The following PIP5K1B variants were observed in gnomAD, a reference collection of about 807,000 sequenced individuals.
PIP5K1B encodes phosphatidylinositol-4-phosphate 5-kinase type 1 beta.
In PIP5K1B, 42 loss-of-function variants were observed where a neutral mutation model predicts 67.0. The observed-to-expected ratio is 0.63, with a 90% CI of 0.49 to 0.81. The LOEUF is 0.81. Ranked by LOEUF, PIP5K1B falls within the 30% of genes least tolerant of loss-of-function variation. The pLI, the probability that PIP5K1B is intolerant of heterozygous loss-of-function variation, is 0.00. For synonymous variants in PIP5K1B, 214 were observed against 231.4 expected (o/e 0.92, Z 0.68); for missense variants, 459 against 646.3 (o/e 0.71, Z 3.14).
At chr9:68,915,048 A>G (rs566317276) in intron 8 of PIP5K1B, among the ~76,000 whole-genome samples, 2 of 152,254 alleles carry the variant, frequency 1.3e-5, no homozygotes, top group Admixed American at 6.5e-5. Context: ...ACTTTATGCT[A>G]GAGACTTTTC....
chr9:68,923,371 T>C lies in PIP5K1B; in HGVS notation c.1186T>C (p.Phe396Leu). 2 of 1,560,808 alleles carry C rather than the reference T, an allele frequency of 1.3e-6. No homozygotes were observed. Among genetic ancestry groups the C allele is most frequent in the Non-Finnish European group, 1.8e-6 (2 of 1,139,120 alleles). Residue 396 changes from phenylalanine (F) to leucine (L), a missense_variant, in exon 12 of 16, where the codon TTC becomes CTC. Transcript: ENST00000265382. ...RFLKFMNSRV[F>L]KKIQALKASP... is the part of the protein sequence containing the mutation. ...TCTTAAGTTCATGAATTCCAGAGTT[T>C]TCAAGAAAATTCAAGGTAAGATTCT... is the stretch of plus-strand genomic sequence containing the variant.
chr9:68,785,152 G>A (rs1290883135), intron 2 of PIP5K1B, among the ~76,000 whole-genome samples: 3 of 152,234 alleles, frequency 2.0e-5, no homozygotes, highest in Admixed American at 6.5e-5. Context: ...AATTGGTTAA[G>A]TGGGTACTAG....
At chr9:68,943,809 T>C (rs1478206228) in intron 14 of PIP5K1B, among the ~76,000 whole-genome samples, 2 of 152,254 alleles carry the variant, frequency 1.3e-5, no homozygotes, top group African/African-American at 2.4e-5. Flanking sequence ...TGTGCTAAAA[T>C]AAGCTGCAAA....
chr9:68,831,395 A>C (rs962339840), intron 4 of PIP5K1B, among the ~76,000 whole-genome samples: 6 of 152,220 alleles, frequency 3.9e-5, no homozygotes, highest in Non-Finnish European at 7.3e-5. Flanking sequence ...AGGTTATACT[A>C]TTACGACCAT....
intron 4 of PIP5K1B, among the ~76,000 whole-genome samples, chr9:68,846,216 C>A (rs955851411): frequency 6.6e-6 from 1 of 152,106 alleles, no homozygotes; most frequent in African/African-American, 2.4e-5. Flanking sequence ...TTTTAAAGCC[C>A]CTTTAGGTAA....
chr9:68,884,607 A>G (rs1163405411), intron 6 of PIP5K1B, among the ~76,000 whole-genome samples: 4 of 151,708 alleles, frequency 2.6e-5, no homozygotes, highest in Non-Finnish European at 5.9e-5. Context: ...CGAGGCTACA[A>G]TAAGCTGTGA....
intron 5 of PIP5K1B, among the ~76,000 whole-genome samples, chr9:68,874,763 G>A (rs7028576): frequency 0.98 from 148,812 of 152,200 alleles, 72,824 homozygotes; most frequent in East Asian, 1. Flanking sequence ...ACTTTGTATG[G>A]GATAGAAGGT....
intron 8 of PIP5K1B, 101 bp downstream of exon 8, chr9:68,894,739 G>C: frequency 9.1e-7 from 1 of 1,104,864 alleles, no homozygotes; most frequent in Non-Finnish European, 1.3e-6. Flanking sequence ...GTCCAAAGTG[G>C]CAGACATGTG....
chr9:68,980,960 C>T (rs572339035), intron 14 of PIP5K1B, among the ~76,000 whole-genome samples: 23 of 152,178 alleles, frequency 1.5e-4, no homozygotes, highest in Non-Finnish European at 3.2e-4. Context: ...GGAAATATAA[C>T]CCTAACTCAC....
chr9:68,877,651 T>G (rs1005321448), intron 6 of PIP5K1B, among the ~76,000 whole-genome samples: 1 of 152,240 alleles, frequency 6.6e-6, no homozygotes, highest in Non-Finnish European at 1.5e-5. Flanking sequence ...GTGCTTAATA[T>G]GCATCTTATA....
At chr9:68,968,487 G>A (rs1177777706) in intron 14 of PIP5K1B, among the ~76,000 whole-genome samples, 5 of 131,312 alleles carry the variant, frequency 3.8e-5, no homozygotes, top group Non-Finnish European at 6.3e-5. Context: ...CTGAGTGAGA[G>A]AGCAAGACTC....
At chr9:68,948,386 CTG>C (rs1223530630) in intron 14 of PIP5K1B, among the ~76,000 whole-genome samples, 1 of 152,166 alleles carries the variant, frequency 6.6e-6, no homozygotes, top group Non-Finnish European at 1.5e-5. Flanking sequence ...AATCCCAGCA[CTG>C]TGGGAGGTGA....
chr9:68,708,511 T>G (rs1827231414), intron 1 of PIP5K1B, among the ~76,000 whole-genome samples: 1 of 151,210 alleles, frequency 6.6e-6, no homozygotes, highest in Non-Finnish European at 1.5e-5. Flanking sequence ...AGTAGACTCA[T>G]GTCATCTATG....
chr9:68,911,373 C>CA lies in PIP5K1B; in HGVS notation c.772-6172dup, dbSNP rs1182174351. 2.9e-3 allele frequency among the ~76,000 whole-genome samples: 117 copies of CA among 40,706 alleles called. 2 individuals are homozygous for CA. Among genetic ancestry groups the CA allele is most frequent in the African/African-American group, 6.4e-3 (112 of 17,498 alleles). The allele number at this position is 40,706 out of a possible 152,430, so 26.7% of individuals were successfully genotyped here. A position where few individuals can be genotyped will look rare whatever the true frequency, so the allele number is the denominator to read the frequency against. On this transcript the variant is annotated intron_variant, in intron 8 of 15. Transcript: ENST00000265382. ...GGGCAACAAGAGCAAAACTCCATCT[C>CA]AAATAAAAAAAAAAAAAAAAAGAAT... is the stretch of plus-strand genomic sequence containing the variant.
intron 5 of PIP5K1B, among the ~76,000 whole-genome samples, chr9:68,871,701 T>C (rs1052643078): frequency 3.3e-5 from 5 of 152,314 alleles, no homozygotes; most frequent in Admixed American, 2.0e-4. Context: ...CCTGATGTGA[T>C]AGGGATTGTA....
chr9:68,867,911 T>C (rs754858162), intron 5 of PIP5K1B, among the ~76,000 whole-genome samples: 2 of 152,222 alleles, frequency 1.3e-5, no homozygotes, highest in Non-Finnish European at 2.9e-5. Context: ...CTTTCTGAAG[T>C]TGCAGAATCC....
Position 68,772,306 on chromosome 9 carries a change from T to G in PIP5K1B, c.-86+29649T>G, listed in dbSNP as rs938614023. Among the ~76,000 whole-genome samples, 4 of 152,190 alleles carry G rather than the reference T, an allele frequency of 2.6e-5. No individual in the cohort carries two copies. In the East Asian group the frequency reaches 7.7e-4, roughly 29 times the overall value. On this transcript the variant is annotated intron_variant, in intron 2 of 15. Coordinates refer to ENST00000265382, the MANE Select transcript of PIP5K1B (RefSeq NM_003558.4). ...AATCTTCTCTCAGTTGCTCTTCTTATTTTGTCTGAGAGAGGCTGGGTTCAA... is the reference window on the plus strand; with the variant it reads ...AATCTTCTCTCAGTTGCTCTTCTTAGTTTGTCTGAGAGAGGCTGGGTTCAA...
At chr9:68,878,189 A>G (rs543908705) in intron 6 of PIP5K1B, among the ~76,000 whole-genome samples, 1 of 152,194 alleles carries the variant, frequency 6.6e-6, no homozygotes, top group East Asian at 1.9e-4. Context: ...TCTGCCACAC[A>G]CTCAAATTTA....
chr9:68,727,674 A>G (rs1828220079), intron 1 of PIP5K1B: 1 of 152,150 alleles, frequency 6.6e-6, no homozygotes, highest in African/African-American at 2.4e-5. Flanking sequence ...ATCACCATTT[A>G]ATAGAGGAGG....
Sources: gnomAD v4.1 joint callset for allele counts (sites outside exome capture counted in the v4.1 genomes callset) on GRCh38, gnomAD v4.1.1 for gene constraint, MANE v1.5 for transcripts, NCBI Gene and HGNC (gene_info 2026-07-23, HGNC 2026-07-21) for gene names.